SDK1: variants seen among roughly 807,000 people sequenced by gnomAD.
SDK1 encodes sidekick cell adhesion molecule 1.
SDK1 carries 157 observed loss-of-function variants against 245.5 expected under a neutral mutation model. The ratio of observed to expected loss-of-function variants is 0.64; its 90% confidence interval spans 0.56 to 0.73. The LOEUF (loss-of-function observed/expected upper bound fraction) is 0.73. Ranked by LOEUF, SDK1 falls within the 30% of genes least tolerant of loss-of-function variation. SDK1 has a pLI of 0.00. For missense variants in SDK1, 3,583 were observed against 3,002.3 expected, an observed-to-expected ratio of 1.19 and a Z score of -4.52; for synonymous variants, 1,647 against 1,278.5, an observed-to-expected ratio of 1.29 and a Z score of -6.15.
intron 1 of SDK1, among the ~76,000 whole-genome samples, chr7:3,443,570 C>T (rs1780258802): frequency 6.6e-6 from 1 of 152,156 alleles, no homozygotes; most frequent in Non-Finnish European, 1.5e-5. Context: ...GTTACAAAAT[C>T]CATAGTGCTA....
chr7:3,576,631 G>T (rs1780300753), intron 1 of SDK1, among the ~76,000 whole-genome samples: 1 of 151,950 alleles, frequency 6.6e-6, no homozygotes, highest in Non-Finnish European at 1.5e-5. Context: ...AATATATTCT[G>T]TCATTTTTCT....
intron 5 of SDK1, among the ~76,000 whole-genome samples, chr7:3,872,105 G>A (rs1472394621): frequency 2.0e-5 from 3 of 152,100 alleles, no homozygotes; most frequent in African/African-American, 7.2e-5. Flanking sequence ...GCATAGATTG[G>A]TGAACTTACC....
rs560885035 is a variant in SDK1 at position 3,907,512 on chromosome 7, C to G, written c.848-43411C>G. Among the ~76,000 whole-genome samples, 5 of 152,292 alleles carry G rather than the reference C, an allele frequency of 3.3e-5. No homozygotes were observed. The Middle Eastern group carries it at 0.017, about 518-fold the overall frequency. Reference sequence around the variant, plus strand: ...ATACCACACTCTATGTATCCACTTGCCCGTTCATGTACATATAGGTTGTTT... The same window carrying G: ...ATACCACACTCTATGTATCCACTTGGCCGTTCATGTACATATAGGTTGTTT... On this transcript the variant is annotated intron_variant, in intron 5 of 44. Transcript: ENST00000404826.
intron 35 of SDK1, among the ~76,000 whole-genome samples, chr7:4,204,718 G>A (rs1401650911): frequency 6.6e-6 from 1 of 152,236 alleles, no homozygotes; most frequent in African/African-American, 2.4e-5. Context: ...GCGGAGAGGA[G>A]TGCTCGGCTG....
At chr7:3,961,284 G>T (rs1781660233) in intron 8 of SDK1, among the ~76,000 whole-genome samples, 1 of 152,160 alleles carries the variant, frequency 6.6e-6, no homozygotes, top group South Asian at 2.1e-4. Context: ...ACCTTGAAAT[G>T]GATTTTTTAA....
intron 4 of SDK1, among the ~76,000 whole-genome samples, chr7:3,739,946 CCTT>C (rs1462193472): frequency 6.6e-6 from 1 of 152,176 alleles, no homozygotes; most frequent in African/African-American, 2.4e-5. Context: ...TGTTAAGTGA[CCTT>C]CTTAAGATAA....
chr7:3,350,361 C>A (rs1476683601), intron 1 of SDK1, among the ~76,000 whole-genome samples: 1 of 152,120 alleles, frequency 6.6e-6, no homozygotes, highest in Non-Finnish European at 1.5e-5. Context: ...GGTGTGATGC[C>A]ATGAACTTGT....
At chr7:3,365,749 C>T (rs906819952) in intron 1 of SDK1, among the ~76,000 whole-genome samples, 1 of 151,880 alleles carries the variant, frequency 6.6e-6, no homozygotes, top group Non-Finnish European at 1.5e-5. Flanking sequence ...GTCTTTTTTC[C>T]AGGCTGGGCG....
intron 4 of SDK1, among the ~76,000 whole-genome samples, chr7:3,779,902 G>T (rs144436742): frequency 2.1e-5 from 3 of 144,568 alleles, no homozygotes; most frequent in African/African-American, 5.3e-5. Flanking sequence ...ACTGCAGTCC[G>T]CAGTCCGGCC....
chr7:3,941,594 G>A lies in SDK1; in HGVS notation c.848-9329G>A, dbSNP rs541899003. ...TGGGGGATGCCTATCCATCTTCCCTGCTCAAACCTTTCCCAATTTCTCCTG... is the reference window on the plus strand; with the variant it reads ...TGGGGGATGCCTATCCATCTTCCCTACTCAAACCTTTCCCAATTTCTCCTG... On this transcript the variant is annotated intron_variant, in intron 5 of 44. Transcript: ENST00000404826. Among the ~76,000 whole-genome samples, 14 of 152,092 alleles carry A rather than the reference G, an allele frequency of 9.2e-5. No individual in the cohort carries two copies. The South Asian group carries it at 2.9e-3, about 32-fold the overall frequency.
intron 43 of SDK1, among the ~76,000 whole-genome samples, chr7:4,244,032 G>C (rs928594277): frequency 1.3e-5 from 2 of 152,162 alleles, no homozygotes; most frequent in African/African-American, 4.8e-5. Flanking sequence ...AATTACCTTT[G>C]AGATAGAGAA....
chr7:4,158,959 G>T (rs1483607892), intron 31 of SDK1, among the ~76,000 whole-genome samples: 1 of 152,220 alleles, frequency 6.6e-6, no homozygotes, highest in Non-Finnish European at 1.5e-5. Context: ...TCCAGGTGGC[G>T]TTTTCAGCCG....
At chr7:4,064,785 TA>T (rs1562753934) in intron 19 of SDK1, among the ~76,000 whole-genome samples, 1 of 152,100 alleles carries the variant, frequency 6.6e-6, no homozygotes, top group Non-Finnish European at 1.5e-5. Context: ...TGGAGGGCAT[TA>T]CATCAATGCC....
intron 1 of SDK1, among the ~76,000 whole-genome samples, chr7:3,394,958 G>C (rs575307791): frequency 1.3e-5 from 2 of 152,106 alleles, no homozygotes; most frequent in African/African-American, 4.8e-5. Flanking sequence ...AACAAAGACA[G>C]TTTTACCACT....
At chr7:3,423,236 A>G (rs1779581444) in intron 1 of SDK1, among the ~76,000 whole-genome samples, 1 of 152,228 alleles carries the variant, frequency 6.6e-6, no homozygotes, top group Non-Finnish European at 1.5e-5. Flanking sequence ...TGGCCAATAT[A>G]GTTGACTTGG....
intron 1 of SDK1, among the ~76,000 whole-genome samples, chr7:3,468,967 C>G (rs1171309277): frequency 1.3e-5 from 2 of 152,150 alleles, no homozygotes; most frequent in African/African-American, 4.8e-5. Context: ...AGGTATTTCC[C>G]TAATTGCTGA....
At chr7:3,703,629 ATTTCC>A (rs1784804370) in intron 4 of SDK1, among the ~76,000 whole-genome samples, 3 of 152,154 alleles carry the variant, frequency 2.0e-5, no homozygotes, top group Non-Finnish European at 4.4e-5. Context: ...AATGCATTGT[ATTTCC>A]TTAAGCAGTA....
intron 19 of SDK1, among the ~76,000 whole-genome samples, chr7:4,059,776 G>A (rs113212093): frequency 0.05 from 7,533 of 152,062 alleles, 325 homozygotes; most frequent in African/African-American, 0.11. Flanking sequence ...CTGGAAATCA[G>A]TAATGAGGAA....
At chr7:3,900,029 C>T (rs770768118) in intron 5 of SDK1, among the ~76,000 whole-genome samples, 3 of 152,210 alleles carry the variant, frequency 2.0e-5, no homozygotes, top group Non-Finnish European at 2.9e-5. Flanking sequence ...AATCGGATAC[C>T]AGTGTATGAC....
Sources: gnomAD v4.1 joint callset for allele counts (sites outside exome capture counted in the v4.1 genomes callset) on GRCh38, gnomAD v4.1.1 for gene constraint, MANE v1.5 for transcripts, NCBI Gene and HGNC (gene_info 2026-07-23, HGNC 2026-07-21) for gene names.